Variants in CLSTN1 observed in about 807,000 individuals in gnomAD.
The protein encoded by CLSTN1 is calsyntenin-1.
CLSTN1 carries 28 observed loss-of-function variants against 108.3 expected under a neutral mutation model. That is an observed-to-expected ratio of 0.26 (90% CI 0.19 to 0.35). The LOEUF is 0.35. Among genes scored for constraint, CLSTN1 ranks in the 10% least tolerant of loss-of-function variants. The pLI, the probability that CLSTN1 is intolerant of heterozygous loss-of-function variation, is 1.00. For synonymous variants in CLSTN1, 524 were observed against 534.9 expected, an observed-to-expected ratio of 0.98 and a Z score of 0.28; for missense variants, 1,157 against 1,302.6, an observed-to-expected ratio of 0.89 and a Z score of 1.72.
At chr1:9,736,091 G>A (rs186858854) in intron 11 of CLSTN1, 49 bp from the exon 12 acceptor site, 8 of 1,609,978 alleles carry the variant, frequency 5.0e-6, no homozygotes, top group East Asian at 4.5e-5. Context: ...ACCCAGCATC[G>A]CCCAACTCAC....
Position 9,730,496 on chromosome 1 carries a change from C to A in CLSTN1, c.*12G>T. On this transcript the variant is annotated 3_prime_UTR_variant, in exon 19 of 19. Transcript: ENST00000377298. This position sits in a 1 kb window ranked among gnomAD's most constrained non-coding sequence, Gnocchi z 5.6. ...CTTCGAAAGCAGAAACCGAGGTGGC[C>A]GGGGGCACGGGTCAGTAGCTGAGGG... is the stretch of plus-strand genomic sequence containing the variant. The A allele has an allele frequency of 6.2e-7, 1 of 1,600,346 alleles. No homozygotes were observed. Among genetic ancestry groups the A allele is most frequent in the East Asian group, 2.2e-5 (1 of 44,852 alleles).
chr1:9,789,971 C>A (rs1653685063), intron 1 of CLSTN1, among the ~76,000 whole-genome samples: 1 of 151,084 alleles, frequency 6.6e-6, no homozygotes, highest in Non-Finnish European at 1.5e-5. Flanking sequence ...AGAGCAAGAC[C>A]CTATCTAAAA....
chr1:9,793,445 C>T (rs1280085106), intron 1 of CLSTN1, among the ~76,000 whole-genome samples: 1 of 151,516 alleles, frequency 6.6e-6, no homozygotes, highest in African/African-American at 2.4e-5. Context: ...TGTTAAACTG[C>T]ACCCGCTGGG....
chr1:9,735,890 C>A lies in CLSTN1; in HGVS notation c.1729G>T (p.Val577Leu). ...AGTCGAGCGCTCGGTGTTACCTGCA[C>A]GCCTCTGCCACTGTCTTCGAGGACC... is the stretch of plus-strand genomic sequence containing the variant. ...LQVLEDSGRG[V>L]QIQAHPSQLV... Residue 577 changes from valine (V) to leucine (L), a missense_variant, in exon 12 of 19, where the codon GTG becomes TTG. Val to Leu is a conservative substitution (Grantham distance 32, BLOSUM62 1). Coordinates refer to ENST00000377298, the MANE Select transcript of CLSTN1 (RefSeq NM_001009566.3). The A allele has an allele frequency of 6.2e-7, 1 of 1,614,056 alleles. No homozygotes were observed. Among genetic ancestry groups the A allele is most frequent in the South Asian group, 1.1e-5 (1 of 91,080 alleles).
chr1:9,775,971 C>T lies in CLSTN1; in HGVS notation c.92-2577G>A, dbSNP rs142184476. Among the ~76,000 whole-genome samples the T allele has an allele frequency of 2.1e-4, 32 of 151,886 alleles. 1 individual carries two copies. The East Asian group carries it at 6.2e-3, about 30-fold the overall frequency. ...AAGACAGACCAGAACAAAGCTGCCT[C>T]CTCTCTTTTTTTTTTTTTTGAGATG... On this transcript the variant is annotated intron_variant, in intron 1 of 18. Coordinates refer to ENST00000377298, the MANE Select transcript of CLSTN1 (RefSeq NM_001009566.3).
chr1:9,740,662 T>A (rs1381520083), intron 10 of CLSTN1, among the ~76,000 whole-genome samples: 1 of 152,152 alleles, frequency 6.6e-6, no homozygotes, highest in Non-Finnish European at 1.5e-5. Flanking sequence ...TCCTACCAGG[T>A]CACCAAGTGA....
intron 2 of CLSTN1, among the ~76,000 whole-genome samples, chr1:9,764,485 A>C (rs1018822623): frequency 2.6e-5 from 4 of 151,952 alleles, no homozygotes; most frequent in Non-Finnish European, 5.9e-5. Context: ...AAAAATACAA[A>C]AATTAGCCAG....
At chr1:9,773,892 T>C (rs1368657357) in intron 1 of CLSTN1, among the ~76,000 whole-genome samples, 1 of 150,790 alleles carries the variant, frequency 6.6e-6, no homozygotes, top group Non-Finnish European at 1.5e-5. Context: ...ACCACCATAC[T>C]TGACTTATTT....
intron 1 of CLSTN1, among the ~76,000 whole-genome samples, chr1:9,787,618 G>A (rs1336088585): frequency 6.6e-6 from 1 of 150,818 alleles, no homozygotes; most frequent in Non-Finnish European, 1.5e-5. Context: ...TAGCCAGGAT[G>A]GTCTCGATCT....
At chr1:9,817,175 T>C (rs1214296722) in intron 1 of CLSTN1, among the ~76,000 whole-genome samples, 1 of 152,206 alleles carries the variant, frequency 6.6e-6, no homozygotes, top group Non-Finnish European at 1.5e-5. Context: ...GAGACCAGCC[T>C]GAGCAACACA....
chr1:9,823,562 T>C lies in CLSTN1; in HGVS notation c.91+81A>G. 1 of 947,776 alleles carries C rather than the reference T, an allele frequency of 1.1e-6. No individual in the cohort carries two copies. The highest frequency in any genetic ancestry group is 5.1e-5 in the South Asian group (1 of 19,456). 58.7% of individuals were successfully genotyped at this position (947,776 alleles called of 1,614,324 possible). A position where few individuals can be genotyped will look rare whatever the true frequency, so the allele number is the denominator to read the frequency against. ...CCCTACTCCCGCACCCGGACCCGAATCCCCGCACCGGGACCCGAATCCTGC... is the reference window on the plus strand; with the variant it reads ...CCCTACTCCCGCACCCGGACCCGAACCCCCGCACCGGGACCCGAATCCTGC... On this transcript the variant is annotated intron_variant, in intron 1 of 18. Transcript: ENST00000377298. The surrounding 1 kb of genome is among the most constrained non-coding windows in gnomAD (Gnocchi z 6.3).
chr1:9,782,194 T>C (rs189331417), intron 1 of CLSTN1, among the ~76,000 whole-genome samples: 4 of 152,322 alleles, frequency 2.6e-5, no homozygotes, highest in African/African-American at 9.6e-5. Context: ...TTTAAACTTC[T>C]AGAAACTTAG....
At chr1:9,766,099 T>C (rs1293286026) in intron 2 of CLSTN1, among the ~76,000 whole-genome samples, 1 of 152,176 alleles carries the variant, frequency 6.6e-6, no homozygotes, top group Non-Finnish European at 1.5e-5. Context: ...GAAAACTAAG[T>C]TCCCATTCTT....
At chr1:9,771,431 T>G (rs1652668774) in intron 2 of CLSTN1, among the ~76,000 whole-genome samples, 1 of 152,072 alleles carries the variant, frequency 6.6e-6, no homozygotes, top group Non-Finnish European at 1.5e-5. Flanking sequence ...CTGGCCAATA[T>G]GGTGAAACCC....
intron 1 of CLSTN1, among the ~76,000 whole-genome samples, chr1:9,798,304 T>G (rs1005831267): frequency 6.6e-6 from 1 of 152,026 alleles, no homozygotes; most frequent in Non-Finnish European, 1.5e-5. Flanking sequence ...GCAGCACTAT[T>G]CACAACAGCC....
intron 1 of CLSTN1, among the ~76,000 whole-genome samples, chr1:9,786,648 C>CAAAAAAAAAAAAAA (rs36003203): frequency 5.4e-5 from 2 of 37,086 alleles, no homozygotes; most frequent in Non-Finnish European, 6.1e-5. Context: ...GACTCCGTCT[C>CAAAAAAAAAAAAAA]AAAAAAAAAA....
At chr1:9,778,717 TAAGAA>T (rs2101180806) in intron 1 of CLSTN1, among the ~76,000 whole-genome samples, 1 of 152,100 alleles carries the variant, frequency 6.6e-6, no homozygotes, top group African/African-American at 2.4e-5. Flanking sequence ...AGAGACTGGC[TAAGAA>T]GAGAATAAGG....
intron 1 of CLSTN1, among the ~76,000 whole-genome samples, chr1:9,811,338 T>C (rs1287371549): frequency 6.6e-6 from 1 of 152,194 alleles, no homozygotes; most frequent in African/African-American, 2.4e-5. Context: ...TTAGAAGACA[T>C]GTATTCGCTG....
At chr1:9,804,584 C>G (rs1654426999) in intron 1 of CLSTN1, among the ~76,000 whole-genome samples, 1 of 152,084 alleles carries the variant, frequency 6.6e-6, no homozygotes, top group Non-Finnish European at 1.5e-5. Flanking sequence ...GTGGCTCACA[C>G]CAATCATCCC....
Sources: allele counts gnomAD v4.1 joint callset (sites outside exome capture counted in the v4.1 genomes callset), GRCh38; gene constraint gnomAD v4.1.1; non-coding constraint Gnocchi (gnomAD v3.1); transcripts MANE v1.5; gene names NCBI Gene and HGNC (gene_info 2026-07-23, HGNC 2026-07-21).